Variants in UVRAG observed in about 807,000 individuals in gnomAD.
UVRAG encodes the protein UV radiation resistance associated.
A neutral mutation model predicts 78.0 loss-of-function variants in UVRAG; 19 were observed. That is an observed-to-expected ratio of 0.24 (90% CI 0.17 to 0.36). The LOEUF (loss-of-function observed/expected upper bound fraction) is 0.36. UVRAG is among the 10% of genes least tolerant of loss of function. The pLI is 1.00. For synonymous variants in UVRAG, 323 were observed against 324.6 expected (o/e 1.00, Z 0.05); for missense variants, 740 against 853.8 (o/e 0.87, Z 1.66).
intron 5 of UVRAG, among the ~76,000 whole-genome samples, chr11:75,910,192 C>G (rs556257861): frequency 6.6e-6 from 1 of 152,290 alleles, no homozygotes; most frequent in East Asian, 1.9e-4. Context: ...ATAATATTCT[C>G]CTAATATCCT....
chr11:76,083,939 A>C (rs1320974837), intron 13 of UVRAG, among the ~76,000 whole-genome samples: 2 of 152,254 alleles, frequency 1.3e-5, no homozygotes, highest in African/African-American at 4.8e-5. Context: ...CCTGTGGCCC[A>C]GCTATCAAAA....
rs535670474 is a variant in UVRAG at position 75,838,612 on chromosome 11, C to T, written c.118-13271C>T. Reference sequence around the variant, plus strand: ...AAGTGATCCTCCCACATTGGCCTCCCAAAGTGCTGGGATTACAGGTATGGG... The same window carrying T: ...AAGTGATCCTCCCACATTGGCCTCCTAAAGTGCTGGGATTACAGGTATGGG... On this transcript the variant is annotated intron_variant, in intron 1 of 14. Coordinates refer to ENST00000356136, the MANE Select transcript of UVRAG (RefSeq NM_003369.4). Among the ~76,000 whole-genome samples, 37 of 152,268 alleles carry T rather than the reference C, an allele frequency of 2.4e-4. No homozygotes were observed. In the South Asian group the frequency reaches 5.6e-3, roughly 23 times the overall value.
intron 13 of UVRAG, among the ~76,000 whole-genome samples, chr11:76,082,350 C>T (rs1951511111): frequency 1.3e-5 from 2 of 151,762 alleles, no homozygotes; most frequent in African/African-American, 4.8e-5. Context: ...ACCATCCTGG[C>T]TAACACGGTG....
At chr11:75,955,360 T>C (rs1331087337) in intron 6 of UVRAG, among the ~76,000 whole-genome samples, 1 of 152,136 alleles carries the variant, frequency 6.6e-6, no homozygotes, top group African/African-American at 2.4e-5. Context: ...CATCAATAAA[T>C]ATCAGGCAAT....
At chr11:75,842,554 G>A (rs1945940359) in intron 1 of UVRAG, among the ~76,000 whole-genome samples, 1 of 150,168 alleles carries the variant, frequency 6.7e-6, no homozygotes, top group Admixed American at 6.7e-5. Flanking sequence ...CGATTCTCCT[G>A]CCTCAGCCTC....
chr11:75,884,240 T>TCTCTCTCTCTCTCTCTCTCTCTCTTTCTC (rs1555080662), intron 4 of UVRAG, among the ~76,000 whole-genome samples: 1 of 132,468 alleles, frequency 7.5e-6, no homozygotes, highest in Admixed American at 7.2e-5. Context: ...CTCTCTCTCT[T>TCTCTCTCTCTCTCTCTCTCTCTCTTTCTC]TCTCTCTCTC....
intron 13 of UVRAG, among the ~76,000 whole-genome samples, chr11:76,083,479 A>C (rs1004440298): frequency 2.6e-5 from 4 of 152,240 alleles, no homozygotes; most frequent in African/African-American, 9.6e-5. Flanking sequence ...AATGCCTAAT[A>C]GTAAACGAGC....
chr11:76,061,188 C>T (rs1280583956), intron 12 of UVRAG, among the ~76,000 whole-genome samples: 1 of 152,178 alleles, frequency 6.6e-6, no homozygotes, highest in Non-Finnish European at 1.5e-5. Context: ...CTGTATCTAG[C>T]TACTCTGGTG....
At chr11:75,974,358 T>C (rs1427891647) in intron 7 of UVRAG, among the ~76,000 whole-genome samples, 39 of 134,162 alleles carry the variant, frequency 2.9e-4, no homozygotes, top group African/African-American at 1.1e-3. Flanking sequence ...CTTCTTTTTT[T>C]TTTTTTTTTT....
chr11:75,993,442 A>G (rs1453015524), intron 8 of UVRAG, among the ~76,000 whole-genome samples: 1 of 152,126 alleles, frequency 6.6e-6, no homozygotes, highest in Non-Finnish European at 1.5e-5. Context: ...ATTAGTGTAT[A>G]TATTTTCATT....
At chr11:75,939,644 C>A (rs187434930) in intron 6 of UVRAG, among the ~76,000 whole-genome samples, 38 of 152,176 alleles carry the variant, frequency 2.5e-4, no homozygotes, top group African/African-American at 9.2e-4. Context: ...AGTGTTCACC[C>A]CCTTCAGATT....
At chr11:76,023,322 A>C (rs1194271995) in intron 12 of UVRAG, among the ~76,000 whole-genome samples, 2 of 152,146 alleles carry the variant, frequency 1.3e-5, no homozygotes, top group African/African-American at 4.8e-5. Context: ...TCGGGCATGA[A>C]TGTAGCTTCT....
chr11:75,905,024 T>C (rs1405294412), intron 5 of UVRAG, among the ~76,000 whole-genome samples: 1 of 152,202 alleles, frequency 6.6e-6, no homozygotes, highest in East Asian at 1.9e-4. Context: ...TTCCCTGTTA[T>C]AAAGTGTGGC....
chr11:76,036,393 T>C (rs997244790), intron 12 of UVRAG, among the ~76,000 whole-genome samples: 1 of 151,578 alleles, frequency 6.6e-6, no homozygotes, highest in African/African-American at 2.4e-5. Context: ...CCTAAAAAAA[T>C]AGAAAGATTA....
intron 3 of UVRAG, among the ~76,000 whole-genome samples, chr11:75,863,126 G>C (rs1053520510): frequency 6.6e-6 from 1 of 152,144 alleles, no homozygotes; most frequent in East Asian, 1.9e-4. Context: ...AGCTGTCTTT[G>C]AAATGTCTCT....
chr11:75,987,999 A>G lies in UVRAG; in HGVS notation c.826+4486A>G, dbSNP rs937771869. Among the ~76,000 whole-genome samples the G allele has an allele frequency of 3.3e-5, 5 of 152,096 alleles. No individual in the cohort carries two copies. The South Asian group carries it at 1.0e-3, about 32-fold the overall frequency. On this transcript the variant is annotated intron_variant, in intron 8 of 14. Transcript: ENST00000356136. ...GTGATCTGCCCGCCTTGGCCTCCCA[A>G]AGTGCTGCGATTACAGGCATGAGCC...
chr11:75,893,149 C>T (rs1356987701), intron 5 of UVRAG, among the ~76,000 whole-genome samples: 1 of 151,344 alleles, frequency 6.6e-6, no homozygotes, highest in Non-Finnish European at 1.5e-5. Context: ...TGCACCCCAG[C>T]CTGGAGGCCA....
intron 11 of UVRAG, among the ~76,000 whole-genome samples, chr11:76,012,611 G>A (rs1950071165): frequency 6.6e-6 from 1 of 152,110 alleles, no homozygotes; most frequent in African/African-American, 2.4e-5. Flanking sequence ...TAGACTTTAT[G>A]CTGCATGGGG....
At chr11:76,058,883 AAGAAAG>A (rs1288034626) in intron 12 of UVRAG, among the ~76,000 whole-genome samples, 1 of 152,248 alleles carries the variant, frequency 6.6e-6, no homozygotes, top group Non-Finnish European at 1.5e-5. Context: ...ATAGGAAAGC[AAGAAAG>A]ATGGACACCT....
Sources: allele counts gnomAD v4.1 joint callset (sites outside exome capture counted in the v4.1 genomes callset), GRCh38; gene constraint gnomAD v4.1.1; transcripts MANE v1.5; gene names NCBI Gene and HGNC (gene_info 2026-07-23, HGNC 2026-07-21).